Variants in EML6 observed in about 807,000 individuals in gnomAD.
EML6 encodes the protein EMAP like 6.
In EML6, 154 loss-of-function variants were observed where a neutral mutation model predicts 240.1. That is an observed-to-expected ratio of 0.64 (90% CI 0.56 to 0.73). The LOEUF is 0.73. EML6 is among the 30% of genes least tolerant of loss of function. The probability of loss-of-function intolerance (pLI) is 0.00; values close to 1 mark genes in which losing one functional copy is unlikely to be tolerated. For synonymous variants in EML6, 1,148 were observed against 899.0 expected (o/e 1.28, Z -4.95); for missense variants, 2,964 against 2,474.6 (o/e 1.20, Z -4.20).
At chr2:54,750,251 G>A (rs1037594515) in intron 2 of EML6, among the ~76,000 whole-genome samples, 2 of 152,138 alleles carry the variant, frequency 1.3e-5, no homozygotes, top group African/African-American at 2.4e-5. Context: ...CTCCTGGGAC[G>A]GGACTCAAGC....
intron 22 of EML6, 62 bp downstream of exon 22, chr2:54,899,844 T>G: frequency 6.8e-7 from 1 of 1,466,366 alleles, no homozygotes; most frequent in Non-Finnish European, 9.2e-7. Flanking sequence ...GTGTCATATT[T>G]ATTCACTCAG....
At chr2:54,875,120 A>G (rs1370879856) in intron 16 of EML6, among the ~76,000 whole-genome samples, 1 of 152,160 alleles carries the variant, frequency 6.6e-6, no homozygotes, top group African/African-American at 2.4e-5. Context: ...AAGCTTGTCC[A>G]TCTGCCCTTC....
intron 7 of EML6, among the ~76,000 whole-genome samples, chr2:54,834,799 C>G (rs1248172794): frequency 1.3e-5 from 2 of 152,202 alleles, no homozygotes; most frequent in Non-Finnish European, 2.9e-5. Flanking sequence ...TCCACTGAAC[C>G]TTCTCTGGTC....
At chr2:54,837,194 G>A (rs530973826) in intron 7 of EML6, among the ~76,000 whole-genome samples, 39 of 152,256 alleles carry the variant, frequency 2.6e-4, no homozygotes, top group African/African-American at 9.4e-4. Context: ...ACCTTGTCTT[G>A]TTTCACCTTC....
intron 11 of EML6, among the ~76,000 whole-genome samples, chr2:54,857,202 G>A (rs367904105): frequency 2.0e-5 from 3 of 152,166 alleles, no homozygotes; most frequent in Admixed American, 6.5e-5. Flanking sequence ...CTGGGCATCC[G>A]GGTGGACGTG....
chr2:54,882,877 A>AAAAAAAAAAAAAAAAAAAG (rs1238823372), intron 17 of EML6: 1 of 146,474 alleles, frequency 6.8e-6, no homozygotes, highest in African/African-American at 2.5e-5. Flanking sequence ...AAAAAAAAGA[A>AAAAAAAAAAAAAAAAAAAG]AGCTTAGGGA....
At chr2:54,949,233 C>G (rs928550502) in intron 29 of EML6, among the ~76,000 whole-genome samples, 1 of 152,108 alleles carries the variant, frequency 6.6e-6, no homozygotes, top group Non-Finnish European at 1.5e-5. Flanking sequence ...AGCCTGGCTC[C>G]GTTTCCCTCC....
intron 5 of EML6, among the ~76,000 whole-genome samples, chr2:54,820,770 A>T (rs1028019989): frequency 5.3e-5 from 8 of 152,174 alleles, no homozygotes; most frequent in Non-Finnish European, 1.5e-5. Flanking sequence ...AACAGTGCTT[A>T]TTTTAATGTT....
intron 12 of EML6, among the ~76,000 whole-genome samples, 179 bp from the exon 13 acceptor site, chr2:54,863,604 G>A (rs1256399678): frequency 6.6e-6 from 1 of 152,140 alleles, no homozygotes. Flanking sequence ...AAGGAGTGAA[G>A]GGTGGGCTGA....
chr2:54,765,643 G>A (rs896549079), intron 2 of EML6, among the ~76,000 whole-genome samples: 11 of 152,042 alleles, frequency 7.2e-5, no homozygotes, highest in African/African-American at 2.2e-4. Flanking sequence ...TGTATTTTTA[G>A]TAGAGATGGG....
At chr2:54,802,383 T>C (rs987506320) in intron 2 of EML6, among the ~76,000 whole-genome samples, 1 of 152,164 alleles carries the variant, frequency 6.6e-6, no homozygotes, top group Non-Finnish European at 1.5e-5. Flanking sequence ...CCCAGCACTT[T>C]GGGAGGCTGA....
chr2:54,865,437 C>T (rs1422594201), intron 13 of EML6, among the ~76,000 whole-genome samples: 2 of 152,042 alleles, frequency 1.3e-5, no homozygotes, highest in Non-Finnish European at 2.9e-5. Context: ...GTACTCCAGT[C>T]TGGGCAACAG....
chr2:54,811,880 A>C (rs985849117), intron 2 of EML6, among the ~76,000 whole-genome samples: 1 of 152,216 alleles, frequency 6.6e-6, no homozygotes, highest in Non-Finnish European at 1.5e-5. Context: ...AAAAGTTAAA[A>C]GCTTATAGCA....
intron 2 of EML6, among the ~76,000 whole-genome samples, chr2:54,739,275 A>T (rs983876258): frequency 6.6e-6 from 1 of 152,172 alleles, no homozygotes; most frequent in Admixed American, 6.5e-5. Context: ...AATATACCTG[A>T]TGTTTGAGAT....
intron 2 of EML6, among the ~76,000 whole-genome samples, chr2:54,812,496 T>C (rs982577778): frequency 5.3e-5 from 8 of 149,720 alleles, no homozygotes; most frequent in African/African-American, 2.0e-4. Flanking sequence ...ACACAACGCC[T>C]ATACACAATG....
intron 2 of EML6, among the ~76,000 whole-genome samples, chr2:54,811,034 C>G (rs1667816388): frequency 6.6e-6 from 1 of 152,144 alleles, no homozygotes. Flanking sequence ...GTCCTTGAGT[C>G]TCAAACATAC....
At chr2:54,935,605 G>GTTGTTTT (rs1326958865) in intron 28 of EML6, among the ~76,000 whole-genome samples, 1 of 152,206 alleles carries the variant, frequency 6.6e-6, no homozygotes, top group African/African-American at 2.4e-5. Flanking sequence ...ACCACCATCT[G>GTTGTTTT]AGCGTGCCAC....
chr2:54,870,268 G>T (rs1671182643), intron 15 of EML6, among the ~76,000 whole-genome samples: 1 of 151,986 alleles, frequency 6.6e-6, no homozygotes, highest in Admixed American at 6.6e-5. Flanking sequence ...AACATGAGGG[G>T]AGTCAACCCC....
At chr2:54,837,135 C>A (rs1332576449) in intron 7 of EML6, among the ~76,000 whole-genome samples, 1 of 152,148 alleles carries the variant, frequency 6.6e-6, no homozygotes, top group Admixed American at 6.6e-5. Flanking sequence ...TCAAGGCATT[C>A]CCTGGTTTTG....
Sources: gnomAD v4.1 joint callset for allele counts (sites outside exome capture counted in the v4.1 genomes callset) on GRCh38, gnomAD v4.1.1 for gene constraint, MANE v1.5 for transcripts, NCBI Gene and HGNC (gene_info 2026-07-23, HGNC 2026-07-21) for gene names.